Variants in DDX4 observed in about 807,000 individuals in gnomAD.
DDX4 encodes the protein probable ATP-dependent RNA helicase DDX4.
In DDX4, 25 loss-of-function variants were observed where a neutral mutation model predicts 100.0. The observed-to-expected ratio is 0.25, with a 90% CI of 0.18 to 0.35. The LOEUF (loss-of-function observed/expected upper bound fraction) is 0.35. Among genes scored for constraint, DDX4 ranks in the 10% least tolerant of loss-of-function variants. DDX4 has a pLI of 1.00. For synonymous variants in DDX4, 259 were observed against 275.7 expected (o/e 0.94, Z 0.60); for missense variants, 635 against 882.4 (o/e 0.72, Z 3.55).
chr5:55,751,338 ATCC>A (rs1759538760), intron 3 of DDX4, among the ~76,000 whole-genome samples: 1 of 152,092 alleles, frequency 6.6e-6, no homozygotes, highest in Non-Finnish European at 1.5e-5. Flanking sequence ...GGCTCAAGCA[ATCC>A]TCCTGCCTCA....
intron 3 of DDX4, among the ~76,000 whole-genome samples, chr5:55,757,504 T>C (rs1760013266): frequency 6.6e-6 from 1 of 152,216 alleles, no homozygotes; most frequent in Admixed American, 6.5e-5. Context: ...CATTGATTGA[T>C]GGGCATTTGG....
At chr5:55,742,901 A>C (rs1382159126) in intron 2 of DDX4, among the ~76,000 whole-genome samples, 1 of 152,138 alleles carries the variant, frequency 6.6e-6, no homozygotes, top group Non-Finnish European at 1.5e-5. Context: ...GGGTGGATTT[A>C]GTTGGAGAGG....
intron 12 of DDX4, 40 bp from the exon 13 acceptor site, chr5:55,785,689 T>A (rs1742199878): frequency 6.4e-7 from 1 of 1,558,138 alleles, no homozygotes; most frequent in East Asian, 2.2e-5. Flanking sequence ...TTTCTTGTAG[T>A]CTCTGTAACG....
intron 2 of DDX4, among the ~76,000 whole-genome samples, chr5:55,745,294 A>C (rs897857722): frequency 1.3e-5 from 2 of 152,236 alleles, no homozygotes; most frequent in Non-Finnish European, 2.9e-5. Flanking sequence ...GTGTTAAATC[A>C]CTAATACTCT....
intron 3 of DDX4, among the ~76,000 whole-genome samples, chr5:55,749,433 T>TA (rs147733279): frequency 6.6e-6 from 1 of 151,514 alleles, no homozygotes; most frequent in Non-Finnish European, 1.5e-5. Context: ...CCCTGTCTCT[T>TA]AAAAAAAAAT....
At chr5:55,762,721 T>C (rs1234349858) in intron 4 of DDX4, among the ~76,000 whole-genome samples, 1 of 152,126 alleles carries the variant, frequency 6.6e-6, no homozygotes, top group Non-Finnish European at 1.5e-5. Flanking sequence ...TTCCCTTATG[T>C]AGCCCCTTGT....
intron 6 of DDX4, among the ~76,000 whole-genome samples, chr5:55,767,535 A>C (rs1035314396): frequency 6.6e-6 from 1 of 152,248 alleles, no homozygotes; most frequent in African/African-American, 2.4e-5. Flanking sequence ...TGATTACTTA[A>C]TAGCTTAGAT....
chr5:55,775,974 A>C (rs1741536593), intron 7 of DDX4, among the ~76,000 whole-genome samples: 1 of 152,122 alleles, frequency 6.6e-6, no homozygotes, highest in South Asian at 2.1e-4. Flanking sequence ...TACAAAAATT[A>C]ACTGGGCGTG....
At chr5:55,753,604 G>A (rs1458083454) in intron 3 of DDX4, among the ~76,000 whole-genome samples, 4 of 151,754 alleles carry the variant, frequency 2.6e-5, no homozygotes, top group Non-Finnish European at 5.9e-5. Flanking sequence ...GTCAGGTAGT[G>A]TGATGCCTCC....
At chr5:55,739,994 T>C (rs1400014138) in intron 2 of DDX4, among the ~76,000 whole-genome samples, 1 of 152,156 alleles carries the variant, frequency 6.6e-6, no homozygotes, top group Admixed American at 6.5e-5. Context: ...TCTCAAAGTG[T>C]TGGGATTACA....
At chr5:55,765,413 A>AAATATAT (rs1392558099) in intron 6 of DDX4, among the ~76,000 whole-genome samples, 43 of 83,006 alleles carry the variant, frequency 5.2e-4, no homozygotes, top group East Asian at 4.3e-3. Flanking sequence ...AAAAAAAAAA[A>AAATATAT]ATATATATAT....
At chr5:55,754,179 A>G (rs375161675) in intron 3 of DDX4, among the ~76,000 whole-genome samples, 6 of 149,960 alleles carry the variant, frequency 4.0e-5, no homozygotes, top group Middle Eastern at 3.5e-3. Context: ...TCTCCTGCCT[A>G]ATTGCCCTGG....
intron 8 of DDX4, 134 bp from the exon 9 acceptor site, chr5:55,780,932 A>G (rs1370961091): frequency 3.2e-6 from 2 of 629,348 alleles, no homozygotes; most frequent in Non-Finnish European, 2.6e-6. Flanking sequence ...ACTTAGTTTA[A>G]TAGGACAGTA....
intron 7 of DDX4, among the ~76,000 whole-genome samples, chr5:55,779,302 C>G (rs1418983917): frequency 6.6e-6 from 1 of 152,000 alleles, no homozygotes; most frequent in Non-Finnish European, 1.5e-5. Flanking sequence ...CTCTAATATT[C>G]AGAAATAGCA....
At chr5:55,780,738 T>A (rs1383120634) in intron 8 of DDX4, among the ~76,000 whole-genome samples, 1 of 152,178 alleles carries the variant, frequency 6.6e-6, no homozygotes, top group Non-Finnish European at 1.5e-5. Flanking sequence ...TTCTAGAGAT[T>A]TAACTTGCTT....
At chr5:55,783,738 G>C (rs1489126979) in intron 10 of DDX4, among the ~76,000 whole-genome samples, 2 of 151,948 alleles carry the variant, frequency 1.3e-5, no homozygotes, top group African/African-American at 2.4e-5. Context: ...TGGCTCGTGA[G>C]ATTATGGAGC....
intron 4 of DDX4, among the ~76,000 whole-genome samples, chr5:55,760,914 T>C (rs1312014957): frequency 6.6e-6 from 1 of 152,118 alleles, no homozygotes; most frequent in African/African-American, 2.4e-5. Flanking sequence ...CATACGGTCA[T>C]TTTTTTATCT....
At chr5:55,788,094 G>C in intron 15 of DDX4, 94 bp downstream of exon 15, 1 of 1,074,084 alleles carries the variant, frequency 9.3e-7, no homozygotes, top group South Asian at 1.9e-5. Context: ...ATGCACTCAT[G>C]TAATTTTTAG....
chr5:55,790,175 C>T (rs1025863470), intron 15 of DDX4, among the ~76,000 whole-genome samples: 7 of 128,778 alleles, frequency 5.4e-5, no homozygotes, highest in African/African-American at 1.8e-4. Context: ...GATGGAGACT[C>T]GCTGTGTTGC....
Sources: allele counts gnomAD v4.1 joint callset (sites outside exome capture counted in the v4.1 genomes callset), GRCh38; gene constraint gnomAD v4.1.1; transcripts MANE v1.5; gene names NCBI Gene and HGNC (gene_info 2026-07-23, HGNC 2026-07-21).